Variants in BST1 observed in about 807,000 individuals in gnomAD.
The protein encoded by BST1 is ADP-ribosyl cyclase/cyclic ADP-ribose hydrolase 2.
Under a neutral mutation model 40.6 loss-of-function variants are expected in BST1, and 49 were observed. The observed-to-expected ratio is 1.21, with a 90% CI of 0.96 to 1.53. BST1 has a LOEUF of 1.53. BST1 is among the 40% of genes most tolerant of loss of function. The probability of loss-of-function intolerance (pLI) is 0.00; values close to 1 mark genes in which losing one functional copy is unlikely to be tolerated. For missense variants in BST1, 423 were observed against 395.9 expected (o/e 1.07, Z -0.58); for synonymous variants, 157 against 159.3 (o/e 0.99, Z 0.11).
chr4:15,757,512 C>T, the BST1 span, among the ~76,000 whole-genome samples: 164 of 152,196 alleles, frequency 1.1e-3, 1 homozygote, highest in Middle Eastern at 0.024. Context: ...CACCCCGCCC[C>T]GCAGACTGTT....
At chr4:15,721,520 G>A (rs1038872896) in intron 7 of BST1, among the ~76,000 whole-genome samples, 21 of 152,160 alleles carry the variant, frequency 1.4e-4, no homozygotes, top group Non-Finnish European at 7.3e-5. Flanking sequence ...CATGGATGAA[G>A]CTAGACACAA....
chr4:15,748,846 A>G, the BST1 span, among the ~76,000 whole-genome samples: 1 of 152,236 alleles, frequency 6.6e-6, no homozygotes, highest in East Asian at 1.9e-4. Flanking sequence ...GACATCTCTC[A>G]GTTGCTATAA....
At chr4:15,706,205 A>G (rs1719875592) in intron 2 of BST1, among the ~76,000 whole-genome samples, 1 of 152,232 alleles carries the variant, frequency 6.6e-6, no homozygotes, top group African/African-American at 2.4e-5. Context: ...TAGTGATTGT[A>G]GATCTCCCGC....
In BST1 at chr4:15,705,612, T is replaced by A; in HGVS notation, c.286T>A (p.Leu96Met). Residue 96 changes from leucine to methionine, a missense_variant, in exon 2 of 9, where the codon TTG (leucine) becomes ATG (methionine). Physicochemically the swap from Leu to Met is conservative, Grantham distance 15. Transcript: ENST00000265016. ...CTCAGACTATGACCTTTTTATTAAC[T>A]TGTCCAGGCACTCTATTCCCAGAGA... Reference protein sequence around the residue: ...LPSDYDLFINLSRHSIPRDKS... With the variant: ...LPSDYDLFINMSRHSIPRDKS... 6.2e-7 allele frequency: 1 copy of A among 1,614,082 alleles called. No individual in the cohort carries two copies. Among genetic ancestry groups the A allele is most frequent in the Non-Finnish European group, 8.5e-7 (1 of 1,179,966 alleles).
the BST1 span, among the ~76,000 whole-genome samples, chr4:15,762,087 G>T: frequency 6.6e-6 from 1 of 150,714 alleles, no homozygotes; most frequent in Non-Finnish European, 1.5e-5. Context: ...TACTCGGGAG[G>T]CTGAGGCAGA....
intron 1 of BST1, among the ~76,000 whole-genome samples, chr4:15,704,210 A>G (rs1252042746): frequency 1.9e-5 from 2 of 106,612 alleles, no homozygotes; most frequent in African/African-American, 7.5e-5. Flanking sequence ...GAGGGGGTGT[A>G]TGTGTATTCT....
At chr4:15,707,337 G>A (rs1378174788) in intron 2 of BST1, among the ~76,000 whole-genome samples, 174 bp from the exon 3 acceptor site, 1 of 152,172 alleles carries the variant, frequency 6.6e-6, no homozygotes, top group East Asian at 1.9e-4. Context: ...GAGGAGAGAT[G>A]CTAGCAGTCT....
At chr4:15,770,529 G>A in the BST1 span, among the ~76,000 whole-genome samples, 23,575 of 151,892 alleles carry the variant, frequency 0.16, 1,994 homozygotes, top group South Asian at 0.26. Context: ...ACATGGTGAA[G>A]CCCCGTCTCT....
intron 8 of BST1, among the ~76,000 whole-genome samples, chr4:15,726,924 GC>G (rs1294907737): frequency 1.3e-5 from 2 of 148,164 alleles, no homozygotes; most frequent in Admixed American, 6.8e-5. Flanking sequence ...AGGCTGGAGT[GC>G]AGTGGCGTGA....
chr4:15,769,192 G>C, the BST1 span, among the ~76,000 whole-genome samples: 3 of 152,210 alleles, frequency 2.0e-5, no homozygotes, highest in African/African-American at 7.2e-5. Flanking sequence ...GGTTTTAGCC[G>C]GTGAATCCGA....
At chr4:15,744,537 A>T in the BST1 span, among the ~76,000 whole-genome samples, 1 of 152,160 alleles carries the variant, frequency 6.6e-6, no homozygotes, top group Non-Finnish European at 1.5e-5. Flanking sequence ...GACACATGGG[A>T]TTATGGGGAT....
At chr4:15,714,062 A>G (rs1720375479) in intron 4 of BST1, among the ~76,000 whole-genome samples, 1 of 152,116 alleles carries the variant, frequency 6.6e-6, no homozygotes, top group Admixed American at 6.5e-5. Context: ...GCTGCTCATA[A>G]TAGTGAATGA....
At chr4:15,707,134 A>G (rs969453973) in intron 2 of BST1, among the ~76,000 whole-genome samples, 2 of 152,224 alleles carry the variant, frequency 1.3e-5, no homozygotes, top group African/African-American at 2.4e-5. Flanking sequence ...TGCATTTTCC[A>G]GAAGTAGAAA....
chr4:15,715,111 A>C (rs1221282558), intron 4 of BST1, among the ~76,000 whole-genome samples, 174 bp from the exon 5 acceptor site: 1 of 152,178 alleles, frequency 6.6e-6, no homozygotes, highest in East Asian at 1.9e-4. Context: ...TTGACATTTC[A>C]AGGCAATTTG....
chr4:15,773,147 G>A, the BST1 span, among the ~76,000 whole-genome samples: 1 of 152,168 alleles, frequency 6.6e-6, no homozygotes, highest in African/African-American at 2.4e-5. Context: ...CTTTCTCTTG[G>A]ACTAAGTTAG....
chr4:15,738,195 T>G (rs996746812), exon 7 of BST1: 1 of 180,954 alleles, frequency 5.5e-6, no homozygotes, highest in African/African-American at 2.3e-5. Context: ...ATGCTGCCAG[T>G]GGGGGAGGCT....
chr4:15,703,395 AG>A, intron 1 of BST1, 63 bp downstream of exon 1: 3 of 1,219,850 alleles, frequency 2.5e-6, no homozygotes, highest in Non-Finnish European at 3.2e-6. Flanking sequence ...GGGCCTGGGG[AG>A]GGGAAAACTG....
At chr4:15,743,574 A>C in the BST1 span, 3 of 356,330 alleles carry the variant, frequency 8.4e-6, no homozygotes, top group Non-Finnish European at 1.1e-5. Flanking sequence ...GATGGCACAA[A>C]GGGCCCAGCT....
the BST1 span, among the ~76,000 whole-genome samples, chr4:15,753,334 T>G: frequency 6.6e-6 from 1 of 152,202 alleles, no homozygotes; most frequent in Admixed American, 6.5e-5. Context: ...GGAGGGATTT[T>G]TTCAGATAAA....
Sources: allele counts gnomAD v4.1 joint callset (sites outside exome capture counted in the v4.1 genomes callset), GRCh38; gene constraint gnomAD v4.1.1; transcripts MANE v1.5; gene names NCBI Gene and HGNC (gene_info 2026-07-23, HGNC 2026-07-21).